LDHA: variants seen among roughly 807,000 people sequenced by gnomAD.
LDHA encodes the protein L-lactate dehydrogenase A chain.
LDHA carries 10 observed loss-of-function variants against 36.3 expected under a neutral mutation model. That is an observed-to-expected ratio of 0.28 (90% CI 0.17 to 0.47). The LOEUF (loss-of-function observed/expected upper bound fraction) is 0.47. LDHA is among the 20% of genes least tolerant of loss of function. The pLI, the probability that LDHA is intolerant of heterozygous loss-of-function variation, is 0.99. For synonymous variants in LDHA, 110 were observed against 136.7 expected (o/e 0.80, Z 1.36); for missense variants, 267 against 405.8 (o/e 0.66, Z 2.94).
rs772645002 is a variant in LDHA, at chr11:18,396,897, C to T, written c.55C>T (p.Pro19Ser). Reference protein sequence around the residue: ...IYNLLKEEQTPQNKITVVGVG... With the variant: ...IYNLLKEEQTSQNKITVVGVG... ...TAATCTTCTAAAGGAAGAACAGACC[C>T]CCCAGAATAAGATTACAGTTGTTGG... is the stretch of plus-strand genomic sequence containing the variant. The change falls in exon 2 of 8, where the codon CCC becomes TCC. Residue 19 changes from proline (P) to serine (S), a missense_variant. Physicochemically the swap from Pro to Ser is moderately conservative, Grantham distance 74 (BLOSUM62 -1). Coordinates refer to ENST00000422447, the MANE Select transcript of LDHA (RefSeq NM_005566.4). 5.0e-6 allele frequency: 8 copies of T among 1,613,670 alleles called. No individual in the cohort carries two copies. Among genetic ancestry groups the T allele is most frequent in the Non-Finnish European group, 6.8e-6 (8 of 1,179,772 alleles).
intron 6 of LDHA, among the ~76,000 whole-genome samples, chr11:18,404,748 C>T (rs1031518787): frequency 2.2e-4 from 31 of 142,542 alleles, no homozygotes; most frequent in African/African-American, 7.9e-4. Flanking sequence ...TTGGAGCTTG[C>T]AGTGAGCCGA....
intron 3 of LDHA, chr11:18,400,391 C>G: frequency 3.6e-6 from 1 of 277,524 alleles, no homozygotes; most frequent in South Asian, 3.3e-5. Context: ...AAGTGTAAAG[C>G]TGTCTCTGCT....
At chr11:18,399,901 T>C (rs1866422188) in intron 3 of LDHA, 1 of 238,960 alleles carries the variant, frequency 4.2e-6, no homozygotes, top group Admixed American at 5.0e-5. Context: ...GGCTTTAGAC[T>C]TAAATGTTTT....
intron 7 of LDHA, 111 bp from the exon 8 acceptor site, chr11:18,407,006 A>AG: frequency 2.6e-6 from 2 of 759,306 alleles, no homozygotes; most frequent in South Asian, 3.7e-5. Context: ...ACTCTGCCTC[A>AG]AAAAAAAATT....
chr11:18,402,927 G>A lies in LDHA; in HGVS notation c.506G>A (p.Arg169Gln), dbSNP rs1461200780. ...IGSGCNLDSA[R>Q]FRYLMGERLG... ...AGCGGTTGCAATCTGGATTCAGCCC[G>A]ATTCCGTTACCTAATGGGGGAAAGG... The change falls in exon 5 of 8, where the codon CGA (arginine) becomes CAA (glutamine). Residue 169 changes from arginine (R) to glutamine (Q), a missense_variant. Transcript: ENST00000422447. The A allele has an allele frequency of 1.9e-6, 3 of 1,612,744 alleles. No individual in the cohort carries two copies. Among genetic ancestry groups the A allele is most frequent in the South Asian group, 1.1e-5 (1 of 91,060 alleles).
At chr11:18,400,211 C>G (rs1866432174) in intron 3 of LDHA, 1 of 190,004 alleles carries the variant, frequency 5.3e-6, no homozygotes, top group Admixed American at 5.4e-5. Context: ...ATACTCTTGG[C>G]TTGACCCTTT....
At chr11:18,403,878 A>G in intron 6 of LDHA, 67 bp downstream of exon 6, 1 of 955,316 alleles carries the variant, frequency 1.0e-6, no homozygotes, top group Non-Finnish European at 1.7e-6. Context: ...AAAGGTTAAA[A>G]TTGTAATAGT....
chr11:18,407,314 G>C lies in LDHA; in HGVS notation c.*33G>C. 1 of 1,612,224 alleles carries C rather than the reference G, an allele frequency of 6.2e-7. No homozygotes were observed. The highest frequency in any genetic ancestry group is 1.1e-5 in the South Asian group (1 of 91,002). ...TGATGTCATATCATTTCACTGTCTA[G>C]GCTACAACAGGATTCTAGGTGGAGG... On this transcript the variant is annotated 3_prime_UTR_variant, in exon 8 of 8. Coordinates refer to ENST00000422447, the MANE Select transcript of LDHA (RefSeq NM_005566.4).
At position 18,405,511 on chromosome 11, in the gene LDHA, AT is replaced by A; in HGVS notation, c.776del (p.Leu259TrpfsTer5). On this transcript the variant is annotated frameshift_variant, in exon 7 of 8. Transcript: ENST00000422447. LOFTEE classifies it high-confidence loss of function. ...TSWAIGLSVA[D>X]LAESIMKNLR... is the part of the protein sequence containing the mutation. ...TGGGCTATTGGACTCTCTGTAGCAG[AT>A]TTGGCAGAGAGTATAATGAAGAATC... 1 of 1,613,646 alleles carries A rather than the reference AT, an allele frequency of 6.2e-7. No homozygotes were observed. The highest frequency in any genetic ancestry group is 1.1e-5 in the South Asian group (1 of 91,068).
chr11:18,396,702 T>A, intron 1 of LDHA, 117 bp from the exon 2 acceptor site: 1 of 1,366,054 alleles, frequency 7.3e-7, no homozygotes, highest in Non-Finnish European at 9.9e-7. Flanking sequence ...TTTTTAGTCA[T>A]CTCTAGTGAT....
chr11:18,405,383 CTT>C (rs1866649465), intron 6 of LDHA, 64 bp from the exon 7 acceptor site: 2 of 1,541,090 alleles, frequency 1.3e-6, no homozygotes, highest in African/African-American at 1.4e-5. Flanking sequence ...TTAATGAAAA[CTT>C]TGTTTTTCTT....
At chr11:18,402,436 G>A (rs1866540961) in intron 4 of LDHA, 2 of 260,936 alleles carry the variant, frequency 7.7e-6, no homozygotes, top group Non-Finnish European at 1.5e-5. Context: ...TAGGACTACA[G>A]GCGTGCACCA....
At chr11:18,406,028 C>T (rs1319031789) in intron 7 of LDHA, among the ~76,000 whole-genome samples, 4 of 152,062 alleles carry the variant, frequency 2.6e-5, no homozygotes, top group South Asian at 4.1e-4. Context: ...GTGCAGTGGC[C>T]GATCTCGGCT....
At chr11:18,402,536 A>G (rs1406210688) in intron 4 of LDHA, 2 of 349,108 alleles carry the variant, frequency 5.7e-6, no homozygotes, top group African/African-American at 2.1e-5. Context: ...GGCCTCAGGC[A>G]GTCCTCCCAC....
intron 1 of LDHA, chr11:18,396,347 A>C: frequency 2.5e-6 from 1 of 396,564 alleles, no homozygotes; most frequent in Non-Finnish European, 4.5e-6. Context: ...CGGGAAGGAG[A>C]GCCACAAAGC....
At chr11:18,401,579 G>A (rs1011780984) in intron 4 of LDHA, among the ~76,000 whole-genome samples, 1 of 135,202 alleles carries the variant, frequency 7.4e-6, no homozygotes, top group South Asian at 2.4e-4. Flanking sequence ...CCGGGTTCAT[G>A]CCATTCTCCT....
chr11:18,397,163 A>C, intron 2 of LDHA, 195 bp downstream of exon 2: 1 of 544,654 alleles, frequency 1.8e-6, no homozygotes, highest in Non-Finnish European at 3.2e-6. Flanking sequence ...AAAAAGAATC[A>C]AAGGTTGTCA....
chr11:18,401,698 C>T (rs1191852887), intron 4 of LDHA, among the ~76,000 whole-genome samples: 4 of 147,624 alleles, frequency 2.7e-5, no homozygotes, highest in African/African-American at 7.5e-5. Context: ...AGGATGGTCT[C>T]GATCTCCTGA....
At chr11:18,401,551 C>G (rs926385294) in intron 4 of LDHA, among the ~76,000 whole-genome samples, 17 of 118,374 alleles carry the variant, frequency 1.4e-4, no homozygotes, top group African/African-American at 5.4e-4. Context: ...GATCTTGGCT[C>G]ACTGCAAGCT....
Sources: gnomAD v4.1 joint callset for allele counts (sites outside exome capture counted in the v4.1 genomes callset) on GRCh38, gnomAD v4.1.1 for gene constraint, MANE v1.5 for transcripts, NCBI Gene and HGNC (gene_info 2026-07-23, HGNC 2026-07-21) for gene names.